The following AFF3 variants were observed in gnomAD, a reference collection of about 807,000 sequenced individuals.
The protein encoded by AFF3 is ALF transcription elongation factor 3, also known as AF4/FMR2 family member 3.
Under a neutral mutation model 129.7 loss-of-function variants are expected in AFF3, and 32 were observed. The observed-to-expected ratio is 0.25, with a 90% CI of 0.19 to 0.33. AFF3 has a LOEUF of 0.33. Among genes scored for constraint, AFF3 ranks in the 10% least tolerant of loss-of-function variants. The pLI, the probability that AFF3 is intolerant of heterozygous loss-of-function variation, is 1.00. For missense variants in AFF3, 1,373 were observed against 1,592.0 expected (o/e 0.86, Z 2.34); for synonymous variants, 644 against 635.4 (o/e 1.01, Z -0.20).
chr2:99,615,038 C>T (rs1276075081), intron 13 of AFF3, among the ~76,000 whole-genome samples: 1 of 152,180 alleles, frequency 6.6e-6, no homozygotes, highest in Non-Finnish European at 1.5e-5. Context: ...TTATTTAATA[C>T]TAAAAGTCCA....
At chr2:99,652,583 C>T (rs972770915) in intron 12 of AFF3, among the ~76,000 whole-genome samples, 1 of 152,080 alleles carries the variant, frequency 6.6e-6, no homozygotes, top group Non-Finnish European at 1.5e-5. Context: ...AATGCAGCAA[C>T]ACTGAATTAG....
intron 4 of AFF3, among the ~76,000 whole-genome samples, chr2:100,018,446 C>T (rs185607872): frequency 1.3e-3 from 202 of 152,220 alleles, no homozygotes; most frequent in African/African-American, 4.7e-3. Context: ...AGATAAATGA[C>T]AGCTTTGCAT....
At chr2:99,867,953 T>C (rs1691558177) in intron 7 of AFF3, among the ~76,000 whole-genome samples, 1 of 151,764 alleles carries the variant, frequency 6.6e-6, no homozygotes, top group Non-Finnish European at 1.5e-5. Context: ...AGGGAGAGAT[T>C]AGCGTTCCCC....
chr2:99,601,546 G>T lies in AFF3; in HGVS notation c.1260C>A (p.Gly420=). ...CTGAGTCGCTGGAGGAGCTGCTGCT[G>T]CCGCTGCTGCTGCTGCTGCTGCTGC... is the stretch of plus-strand genomic sequence containing the variant. ...SKGSSSSSSS[G]SSSSSSDSES... Residue 420 remains glycine, a synonymous_variant, in exon 14 of 25, where the codon GGC becomes GGA. Coordinates refer to ENST00000672756, the MANE Select transcript of AFF3 (RefSeq NM_001386135.1). 1 of 1,602,792 alleles carries T rather than the reference G, an allele frequency of 6.2e-7. No individual in the cohort carries two copies.
At chr2:100,012,028 G>T (rs1335302878) in intron 4 of AFF3, among the ~76,000 whole-genome samples, 2 of 152,082 alleles carry the variant, frequency 1.3e-5, no homozygotes, top group East Asian at 3.9e-4. Context: ...CAGATTGCTA[G>T]ATAAAATCCA....
intron 7 of AFF3, among the ~76,000 whole-genome samples, chr2:99,857,008 T>A (rs1690579458): frequency 1.3e-5 from 2 of 152,138 alleles, no homozygotes; most frequent in South Asian, 4.1e-4. Flanking sequence ...TACTACTCAT[T>A]AAGTTCCTCG....
At chr2:99,833,697 T>C (rs999658526) in intron 8 of AFF3, among the ~76,000 whole-genome samples, 2 of 152,152 alleles carry the variant, frequency 1.3e-5, no homozygotes, top group African/African-American at 4.8e-5. Flanking sequence ...CAAATGTTAA[T>C]GCCATTCTAC....
chr2:100,105,328 A>T (rs955921652), intron 3 of AFF3, 176 bp downstream of exon 3: 1 of 1,206,942 alleles, frequency 8.3e-7, no homozygotes, highest in East Asian at 5.6e-5. Flanking sequence ...CAGCGCCCCA[A>T]ACAAACCGTT....
At position 99,613,799 on chromosome 2, in the gene AFF3, G is replaced by A. The variant is rs530130539; in HGVS notation, c.1185-12178C>T. Among the ~76,000 whole-genome samples, 7 of 152,260 alleles carry A rather than the reference G, an allele frequency of 4.6e-5. No individual in the cohort carries two copies. The South Asian group carries it at 8.3e-4, about 18-fold the overall frequency. ...TATCATTCTGCCTCTGAGTATACCC[G>A]TGGTTGCAGGCGATCATCCTTGTTA... On this transcript the variant is annotated intron_variant, in intron 13 of 24. Coordinates refer to ENST00000672756, the MANE Select transcript of AFF3 (RefSeq NM_001386135.1).
intron 7 of AFF3, among the ~76,000 whole-genome samples, chr2:99,939,865 T>C (rs1371459983): frequency 6.6e-6 from 1 of 152,236 alleles, no homozygotes; most frequent in Non-Finnish European, 1.5e-5. Flanking sequence ...GGGATAGTTT[T>C]AAAGTTTTAA....
intron 1 of AFF3, among the ~76,000 whole-genome samples, chr2:100,131,060 A>G (rs193244259): frequency 4.0e-4 from 61 of 152,322 alleles, no homozygotes; most frequent in African/African-American, 1.4e-3. Context: ...TACTTAAAAC[A>G]ACAAAAAAGA....
chr2:100,011,158 C>T (rs538106418), intron 4 of AFF3, among the ~76,000 whole-genome samples: 1 of 152,212 alleles, frequency 6.6e-6, no homozygotes, highest in South Asian at 2.1e-4. Flanking sequence ...CCTGTAGTCC[C>T]AGCTACTCGG....
chr2:99,845,485 T>C (rs534784286), intron 7 of AFF3, among the ~76,000 whole-genome samples: 4 of 152,144 alleles, frequency 2.6e-5, no homozygotes, highest in South Asian at 4.1e-4. Context: ...TGATGACTAA[T>C]TGATATTGAG....
At chr2:99,891,786 C>T (rs1693573929) in intron 7 of AFF3, among the ~76,000 whole-genome samples, 1 of 152,104 alleles carries the variant, frequency 6.6e-6, no homozygotes, top group Admixed American at 6.6e-5. Flanking sequence ...AGGATTATCT[C>T]CATTTTCTCT....
chr2:99,703,631 T>C, intron 11 of AFF3, among the ~76,000 whole-genome samples: 1 of 146,918 alleles, frequency 6.8e-6, no homozygotes, highest in Non-Finnish European at 1.5e-5. Context: ...ATTCCTTTTG[T>C]TTCTCATTTC....
At chr2:100,019,062 C>T (rs35167301) in intron 4 of AFF3, among the ~76,000 whole-genome samples, 20,402 of 152,182 alleles carry the variant, frequency 0.13, 1,574 homozygotes, top group South Asian at 0.2. Flanking sequence ...CTTGCTGTGG[C>T]CACTCAGGCT....
At chr2:100,029,515 C>T (rs978474279) in intron 4 of AFF3, among the ~76,000 whole-genome samples, 7 of 152,084 alleles carry the variant, frequency 4.6e-5, no homozygotes, top group East Asian at 1.9e-4. Flanking sequence ...GCATACAACA[C>T]GGATGGGCCT....
At chr2:100,059,072 G>A (rs1687026917) in intron 4 of AFF3, among the ~76,000 whole-genome samples, 1 of 151,930 alleles carries the variant, frequency 6.6e-6, no homozygotes. Flanking sequence ...GGCCAACATG[G>A]TGAAACCCCA....
Position 99,837,461 on chromosome 2 carries a change from T to G in AFF3, c.921+16A>C, listed in dbSNP as rs1169765856. The stretch of plus-strand genomic sequence containing the variant: ...TGTCCCACAGATTGATAAGACTGTT[T>G]AAAGAATAATCTTACCCGGATTATT... On this transcript the variant is annotated intron_variant, in intron 8 of 24. Transcript: ENST00000672756. The G allele has an allele frequency of 6.2e-7, 1 of 1,610,860 alleles. No homozygotes were observed. Among genetic ancestry groups the G allele is most frequent in the Non-Finnish European group, 8.5e-7 (1 of 1,177,240 alleles).
Sources: allele counts gnomAD v4.1 joint callset (sites outside exome capture counted in the v4.1 genomes callset), GRCh38; gene constraint gnomAD v4.1.1; transcripts MANE v1.5; gene names NCBI Gene and HGNC (gene_info 2026-07-23, HGNC 2026-07-21).